Variants in VPS13B observed in about 807,000 individuals in gnomAD.
VPS13B encodes the protein intermembrane lipid transfer protein VPS13B.
In VPS13B, 285 loss-of-function variants were observed where a neutral mutation model predicts 426.4. The ratio of observed to expected loss-of-function variants is 0.67; its 90% CI spans 0.61 to 0.74. The LOEUF is 0.74. Among genes scored for constraint, VPS13B ranks in the 30% least tolerant of loss-of-function variants. The pLI is 0.00. For missense variants in VPS13B, 4,537 were observed against 4,782.6 expected (o/e 0.95, Z 1.51); for synonymous variants, 1,676 against 1,676.4 (o/e 1.00, Z 0.01).
intron 17 of VPS13B, among the ~76,000 whole-genome samples, chr8:99,196,054 G>T (rs544729046): frequency 6.6e-6 from 1 of 152,034 alleles, no homozygotes; most frequent in Non-Finnish European, 1.5e-5. Context: ...TATTCCATAT[G>T]AATTTAAGGA....
intron 30 of VPS13B, among the ~76,000 whole-genome samples, chr8:99,532,602 G>A (rs1304340288): frequency 6.6e-6 from 1 of 151,824 alleles, no homozygotes; most frequent in East Asian, 1.9e-4. Flanking sequence ...TTTTTTGTGA[G>A]CAACTTTTGC....
chr8:99,171,522 A>G (rs1812331911), intron 16 of VPS13B, among the ~76,000 whole-genome samples: 1 of 152,010 alleles, frequency 6.6e-6, no homozygotes, highest in Non-Finnish European at 1.5e-5. Flanking sequence ...TATAAAATCA[A>G]TATTGAAATA....
intron 36 of VPS13B, among the ~76,000 whole-genome samples, chr8:99,710,073 A>C (rs1392567243): frequency 6.6e-6 from 1 of 152,230 alleles, no homozygotes; most frequent in Non-Finnish European, 1.5e-5. Flanking sequence ...CTTTTGAAGC[A>C]TATTTTTAAA....
At chr8:99,151,130 A>G (rs1351966922) in intron 14 of VPS13B, among the ~76,000 whole-genome samples, 1 of 152,210 alleles carries the variant, frequency 6.6e-6, no homozygotes, top group Non-Finnish European at 1.5e-5. Context: ...CCTTGATGAC[A>G]TATGGAAACA....
At chr8:99,401,735 G>T (rs1000208355) in intron 21 of VPS13B, among the ~76,000 whole-genome samples, 1 of 152,132 alleles carries the variant, frequency 6.6e-6, no homozygotes, top group Non-Finnish European at 1.5e-5. Context: ...GTGTGGTGAC[G>T]CGTGCCTGCA....
At chr8:99,807,480 T>C (rs565966245) in intron 43 of VPS13B, among the ~76,000 whole-genome samples, 1 of 152,276 alleles carries the variant, frequency 6.6e-6, no homozygotes, top group African/African-American at 2.4e-5. Context: ...ACTTTCTTAT[T>C]TCTTTTAGTT....
At chr8:99,740,204 A>G (rs1809628452) in intron 39 of VPS13B, among the ~76,000 whole-genome samples, 1 of 152,228 alleles carries the variant, frequency 6.6e-6, no homozygotes, top group Non-Finnish European at 1.5e-5. Context: ...GATTCGATCA[A>G]CTGGAAGAAA....
intron 33 of VPS13B, among the ~76,000 whole-genome samples, chr8:99,631,630 TA>T (rs923316789): frequency 1.1e-4 from 16 of 151,930 alleles, no homozygotes; most frequent in African/African-American, 2.9e-4. Flanking sequence ...TTGCTCTGAC[TA>T]AAAAAAACTC....
chr8:99,143,252 C>A, intron 13 of VPS13B, 87 bp downstream of exon 13: 1 of 1,562,374 alleles, frequency 6.4e-7, no homozygotes, highest in Non-Finnish European at 8.8e-7. Flanking sequence ...GCTAACTTTA[C>A]GTTTTTAGTG....
intron 39 of VPS13B, among the ~76,000 whole-genome samples, chr8:99,744,205 GAC>G (rs1809940043): frequency 6.6e-6 from 1 of 152,116 alleles, no homozygotes; most frequent in African/African-American, 2.4e-5. Flanking sequence ...GCAGCCAAAA[GAC>G]ACATGAAAAA....
chr8:99,508,720 G>A (rs1180236086), intron 28 of VPS13B, among the ~76,000 whole-genome samples: 5 of 151,802 alleles, frequency 3.3e-5, no homozygotes, highest in Non-Finnish European at 7.4e-5. Context: ...TATCGTTAAT[G>A]TTCTTCAGAA....
At chr8:99,550,894 G>A (rs1372851338) in intron 30 of VPS13B, among the ~76,000 whole-genome samples, 1 of 151,960 alleles carries the variant, frequency 6.6e-6, no homozygotes, top group Non-Finnish European at 1.5e-5. Context: ...GTGCTCAGAG[G>A]ATACAGTCTA....
intron 35 of VPS13B, among the ~76,000 whole-genome samples, chr8:99,678,621 C>CA (rs1831037821): frequency 6.6e-6 from 1 of 151,594 alleles, no homozygotes. Flanking sequence ...ATTGCTCTAT[C>CA]AGGAGGCATA....
intron 17 of VPS13B, among the ~76,000 whole-genome samples, chr8:99,201,370 A>C (rs1022452062): frequency 3.9e-5 from 6 of 152,178 alleles, no homozygotes; most frequent in African/African-American, 1.4e-4. Context: ...AAAAGACTAG[A>C]ATAGAAACTT....
intron 52 of VPS13B, among the ~76,000 whole-genome samples, chr8:99,833,899 A>G (rs1381269093): frequency 6.6e-6 from 1 of 152,274 alleles, no homozygotes; most frequent in Non-Finnish European, 1.5e-5. Flanking sequence ...CTGTTTTAAA[A>G]TTAGGCTGGG....
At chr8:99,652,807 C>A (rs4735631) in intron 34 of VPS13B, among the ~76,000 whole-genome samples, 6,639 of 152,172 alleles carry the variant, frequency 0.044, 157 homozygotes, top group East Asian at 0.06. Context: ...GAACATTTAT[C>A]TGGAAATTTA....
At chr8:99,507,939 A>G in intron 28 of VPS13B, 1 of 1,613,884 alleles carries the variant, frequency 6.2e-7, no homozygotes, top group Non-Finnish European at 8.5e-7. Context: ...ATTATGCTAC[A>G]CAACTCCCAT....
In VPS13B at chr8:99,675,430, T is replaced by G. The variant is rs547828691; in HGVS notation, c.6046+13939T>G. On this transcript the variant is annotated intron_variant, in intron 35 of 61. Coordinates refer to ENST00000357162, the MANE Select transcript of VPS13B (RefSeq NM_152564.5). ...GATTGTAATATGTCTTTGGGTAATC[T>G]TATTTGGATTGAATCTGATTGAAGA... 7.9e-5 allele frequency among the ~76,000 whole-genome samples: 12 copies of G among 152,282 alleles called. No homozygotes were observed. The East Asian group carries it at 2.1e-3, about 27-fold the overall frequency.
intron 54 of VPS13B, among the ~76,000 whole-genome samples, chr8:99,848,498 G>C (rs966671598): frequency 7.9e-5 from 12 of 152,236 alleles, no homozygotes; most frequent in Admixed American, 7.8e-4. Flanking sequence ...AGAGTTACTT[G>C]CCAGTTCCAA....
Sources: gnomAD v4.1 joint callset for allele counts (sites outside exome capture counted in the v4.1 genomes callset) on GRCh38, gnomAD v4.1.1 for gene constraint, MANE v1.5 for transcripts, NCBI Gene and HGNC (gene_info 2026-07-23, HGNC 2026-07-21) for gene names.